The following RAP1GAP2 variants were observed in gnomAD, a reference collection of about 807,000 sequenced individuals.
The protein encoded by RAP1GAP2 is RAP1 GTPase activating protein 2, also known as rap1 GTPase-activating protein 2.
Under a neutral mutation model 95.0 loss-of-function variants are expected in RAP1GAP2, and 27 were observed. That is an observed-to-expected ratio of 0.28 (90% CI 0.21 to 0.39). The LOEUF (loss-of-function observed/expected upper bound fraction) is 0.39. RAP1GAP2 is among the 10% of genes least tolerant of loss of function. The pLI is 1.00. For missense variants in RAP1GAP2, 771 were observed against 970.0 expected (o/e 0.79, Z 2.72); for synonymous variants, 373 against 380.9 (o/e 0.98, Z 0.24).
chr17:2,800,194 G>A, intron 1 of RAP1GAP2: 2 of 985,432 alleles, frequency 2.0e-6, no homozygotes, highest in Non-Finnish European at 2.4e-6. Flanking sequence ...TGCATACAAA[G>A]TGCTTACGAT....
At chr17:2,877,378 C>T (rs897431985) in intron 2 of RAP1GAP2, among the ~76,000 whole-genome samples, 10 of 152,224 alleles carry the variant, frequency 6.6e-5, no homozygotes, top group Admixed American at 3.9e-4. Flanking sequence ...TTTCCCCTTA[C>T]AGTCCGTCCT....
chr17:2,983,312 GTAAT>G (rs1319549571), intron 10 of RAP1GAP2, among the ~76,000 whole-genome samples: 8 of 152,010 alleles, frequency 5.3e-5, no homozygotes, highest in Admixed American at 3.3e-4. Flanking sequence ...GTGTGCCACG[GTAAT>G]TGACCAGCCT....
Position 2,906,477 on chromosome 17 carries a change from GCAGGACA to G in RAP1GAP2, c.165+1110_165+1116del, listed in dbSNP as rs1259369891. 6.6e-6 allele frequency among the ~76,000 whole-genome samples: 1 copy of G among 151,604 alleles called. No individual in the cohort carries two copies. The highest frequency in any genetic ancestry group is 1.5e-5 in the Non-Finnish European group (1 of 67,932). On this transcript the variant is annotated intron_variant, in intron 3 of 24. Coordinates refer to ENST00000254695, the MANE Select transcript of RAP1GAP2 (RefSeq NM_015085.5). This position sits in a 1 kb window ranked among gnomAD's most constrained non-coding sequence, Gnocchi z 4.3. ...TAAGTGGTCAGCGGTGGGCGGGGGG[GCAGGACA>G]GGGTGCAGGGCTGACCAAGGAGAGC... is the stretch of plus-strand genomic sequence containing the variant.
chr17:2,942,913 ACT>A, intron 3 of RAP1GAP2, among the ~76,000 whole-genome samples: 1 of 151,928 alleles, frequency 6.6e-6, no homozygotes, highest in Non-Finnish European at 1.5e-5. Context: ...GATGACAGGC[ACT>A]CACCACCCAC....
upstream of RAP1GAP2, among the ~76,000 whole-genome samples, chr17:2,773,775 T>C (rs894301356): frequency 6.6e-6 from 1 of 151,404 alleles, no homozygotes; most frequent in East Asian, 1.9e-4. Context: ...TTATTCTTTT[T>C]TGAGACAGTT....
rs1459202746 is a variant in RAP1GAP2, at chr17:2,806,586, G to A, written c.80+6036G>A. On this transcript the variant is annotated intron_variant, in intron 2 of 24. Coordinates refer to ENST00000254695, the MANE Select transcript of RAP1GAP2 (RefSeq NM_015085.5). The stretch of plus-strand genomic sequence containing the variant: ...TTTTGTATTTTTTTTTAGTAGAGGC[G>A]GGGTTTCGCTGTGTTGGCCAGGCTG... 2.0e-5 allele frequency among the ~76,000 whole-genome samples: 3 copies of A among 150,868 alleles called. No individual in the cohort carries two copies. In the East Asian group the frequency reaches 5.8e-4, roughly 29 times the overall value.
intron 2 of RAP1GAP2, among the ~76,000 whole-genome samples, chr17:2,897,658 C>T (rs752047584): frequency 2.0e-5 from 3 of 151,982 alleles, no homozygotes; most frequent in Non-Finnish European, 4.4e-5. Context: ...CCATACCCAG[C>T]CCCTCCTGAG....
chr17:2,943,885 C>T (rs1014206944), intron 3 of RAP1GAP2, among the ~76,000 whole-genome samples: 1 of 152,050 alleles, frequency 6.6e-6, no homozygotes, highest in African/African-American at 2.4e-5. Context: ...CATGGTGGCT[C>T]ACGCCTGTAA....
intron 4 of RAP1GAP2, among the ~76,000 whole-genome samples, chr17:2,959,788 T>C: frequency 6.6e-6 from 1 of 152,180 alleles, no homozygotes; most frequent in Non-Finnish European, 1.5e-5. Flanking sequence ...TTTCCCCTTC[T>C]GAGCCTTAAT....
chr17:2,969,995 C>T (rs545642545), intron 8 of RAP1GAP2, among the ~76,000 whole-genome samples: 3 of 151,718 alleles, frequency 2.0e-5, no homozygotes, highest in Admixed American at 6.6e-5. Flanking sequence ...TCCCCTGGGC[C>T]GGGCATCGTG....
At chr17:2,761,430 A>C (rs1399865699) in intron 1 of RAP1GAP2, among the ~76,000 whole-genome samples, 1 of 151,382 alleles carries the variant, frequency 6.6e-6, no homozygotes, top group Non-Finnish European at 1.5e-5. Flanking sequence ...CTGGGATTAC[A>C]GGCATGTGCC....
chr17:2,991,495 A>G (rs911165637), intron 12 of RAP1GAP2, 98 bp downstream of exon 12: 1 of 900,966 alleles, frequency 1.1e-6, no homozygotes, highest in Admixed American at 2.4e-5. Flanking sequence ...TGAGTTAAAA[A>G]CACACAAGAA....
At chr17:2,837,529 G>A (rs945342563) in intron 2 of RAP1GAP2, among the ~76,000 whole-genome samples, 3 of 151,942 alleles carry the variant, frequency 2.0e-5, no homozygotes, top group African/African-American at 7.3e-5. Context: ...GTTTCCTGGG[G>A]CTCCATTCCT....
intron 19 of RAP1GAP2, among the ~76,000 whole-genome samples, chr17:3,022,345 A>C (rs1174305747): frequency 6.6e-6 from 1 of 152,210 alleles, no homozygotes; most frequent in Non-Finnish European, 1.5e-5. Context: ...ACTTTGGAAA[A>C]CAGTCTGGCA....
chr17:2,806,172 C>T (rs771379333), intron 2 of RAP1GAP2, among the ~76,000 whole-genome samples: 13 of 151,970 alleles, frequency 8.6e-5, no homozygotes, highest in African/African-American at 1.7e-4. Context: ...ACACAGCCAC[C>T]GCTATTCTAA....
chr17:2,861,334 G>A (rs767174836), intron 2 of RAP1GAP2, among the ~76,000 whole-genome samples: 3 of 151,924 alleles, frequency 2.0e-5, no homozygotes, highest in Non-Finnish European at 4.4e-5. Flanking sequence ...TTCAGAGCGG[G>A]AACTTTGCCT....
chr17:2,917,339 C>T (rs749285522), intron 3 of RAP1GAP2, among the ~76,000 whole-genome samples: 7 of 151,780 alleles, frequency 4.6e-5, no homozygotes, highest in South Asian at 2.1e-4. Flanking sequence ...GGCGCGATCT[C>T]GGCTCACTGC....
rs5818880 is a variant in RAP1GAP2, at chr17:2,904,530, C to CTGTGTGTGTGTGTGTGTG, written c.81-732_81-715dup. On this transcript the variant is annotated intron_variant, in intron 2 of 24. Transcript: ENST00000254695. The surrounding 1 kb of genome is among the most constrained non-coding windows in gnomAD (Gnocchi z 4.7). ...CCGAGGACAGCTTTTTGACCAGGGC[C>CTGTGTGTGTGTGTGTGTG]TGTGTGTGTGTGTGTGTGTGTGTGT... Among the ~76,000 whole-genome samples, 12,198 of 128,948 alleles carry CTGTGTGTGTGTGTGTGTG rather than the reference C, an allele frequency of 0.095. 1,186 individuals are homozygous for CTGTGTGTGTGTGTGTGTG. Among genetic ancestry groups the CTGTGTGTGTGTGTGTGTG allele is most frequent in the Non-Finnish European group, 0.14 (8,506 of 60,468 alleles). 84.6% of individuals were successfully genotyped at this position (128,948 alleles called of 152,430 possible).
At position 2,952,783 on chromosome 17, in the gene RAP1GAP2, TG is replaced by T. The variant is rs557056958; in HGVS notation, c.166-4975del. The stretch of plus-strand genomic sequence containing the variant: ...ATTTTATGTGTGTCCTTTAATCATT[TG>T]TTCATGTCCTTTGCACATTTTTCTG... On this transcript the variant is annotated intron_variant, in intron 3 of 24. Transcript: ENST00000254695. 3.3e-5 allele frequency among the ~76,000 whole-genome samples: 5 copies of T among 152,246 alleles called. No individual in the cohort carries two copies. In the East Asian group the frequency reaches 9.6e-4, roughly 29 times the overall value.
Sources: allele counts gnomAD v4.1 joint callset (sites outside exome capture counted in the v4.1 genomes callset), GRCh38; gene constraint gnomAD v4.1.1; non-coding constraint Gnocchi (gnomAD v3.1); transcripts MANE v1.5; gene names NCBI Gene and HGNC (gene_info 2026-07-23, HGNC 2026-07-21).